Variants in RNF220 observed in about 807,000 individuals in gnomAD.
The protein encoded by RNF220 is E3 ubiquitin-protein ligase RNF220.
RNF220 carries 7 observed loss-of-function variants against 67.1 expected under a neutral mutation model. The observed-to-expected ratio is 0.10, with a 90% CI of 0.06 to 0.20. RNF220 has a LOEUF of 0.20. Among genes scored for constraint, RNF220 ranks in the 10% least tolerant of loss-of-function variants. The probability of loss-of-function intolerance (pLI) is 1.00; values close to 1 mark genes in which losing one functional copy is unlikely to be tolerated. For missense variants in RNF220, 565 were observed against 740.3 expected (o/e 0.76, Z 2.75); for synonymous variants, 270 against 283.2 (o/e 0.95, Z 0.47).
intron 2 of RNF220, among the ~76,000 whole-genome samples, chr1:44,418,271 T>G (rs1267204348): frequency 6.6e-6 from 1 of 151,632 alleles, no homozygotes; most frequent in Admixed American, 6.6e-5. Flanking sequence ...TGGGAGGAGG[T>G]TGGGGGAGCA....
chr1:44,525,036 T>C (rs1660255642), intron 2 of RNF220, among the ~76,000 whole-genome samples: 1 of 152,162 alleles, frequency 6.6e-6, no homozygotes, highest in Non-Finnish European at 1.5e-5. Flanking sequence ...CTTCCAGGGC[T>C]GATAACAAGC....
intron 2 of RNF220, among the ~76,000 whole-genome samples, chr1:44,605,645 T>C (rs1321968549): frequency 6.6e-6 from 1 of 152,052 alleles, no homozygotes; most frequent in African/African-American, 2.4e-5. Context: ...AGGGCTGTGA[T>C]AGAAGTAGCA....
chr1:44,614,516 C>T (rs1457224324), intron 3 of RNF220, among the ~76,000 whole-genome samples: 2 of 152,192 alleles, frequency 1.3e-5, no homozygotes, highest in East Asian at 3.9e-4. Flanking sequence ...AGGAGAGTGA[C>T]CCCGCAGGCC....
intron 8 of RNF220, 54 bp from the exon 9 acceptor site, chr1:44,644,644 G>T: frequency 2.8e-6 from 4 of 1,435,452 alleles, no homozygotes; most frequent in Non-Finnish European, 3.9e-6. Flanking sequence ...AACAGGAGGG[G>T]CACCCTTGGC....
At chr1:44,508,609 A>G (rs1051278004) in intron 2 of RNF220, among the ~76,000 whole-genome samples, 3 of 152,184 alleles carry the variant, frequency 2.0e-5, no homozygotes, top group Admixed American at 6.5e-5. Flanking sequence ...TAACACAACC[A>G]GAAGTCAGAG....
chr1:44,487,703 A>G (rs111498226), intron 2 of RNF220, among the ~76,000 whole-genome samples: 1 of 148,284 alleles, frequency 6.7e-6, no homozygotes, highest in African/African-American at 2.5e-5. Flanking sequence ...TAATAATAAT[A>G]ATAATAACAA....
chr1:44,447,375 G>A (rs902499677), intron 2 of RNF220, among the ~76,000 whole-genome samples: 1 of 152,210 alleles, frequency 6.6e-6, no homozygotes, highest in Non-Finnish European at 1.5e-5. Context: ...AGCCAAGATA[G>A]TACCTACCCC....
In RNF220 at chr1:44,602,965, G is replaced by A. The variant is rs1383513779; in HGVS notation, c.626-11200G>A. Among the ~76,000 whole-genome samples, 5 of 151,870 alleles carry A rather than the reference G, an allele frequency of 3.3e-5. No individual in the cohort carries two copies. The South Asian group carries it at 6.2e-4, about 19-fold the overall frequency. On this transcript the variant is annotated intron_variant, in intron 2 of 14. Coordinates refer to ENST00000361799, the MANE Select transcript of RNF220 (RefSeq NM_018150.4). Reference sequence around the variant, plus strand: ...GCCTGCTCCCTGCCTCCTTCTCTCCGAGTCCACACCACCCCTCCTCCTCCT... The same window carrying A: ...GCCTGCTCCCTGCCTCCTTCTCTCCAAGTCCACACCACCCCTCCTCCTCCT...
chr1:44,571,084 A>G (rs978913323), intron 2 of RNF220, among the ~76,000 whole-genome samples: 2 of 151,754 alleles, frequency 1.3e-5, no homozygotes, highest in African/African-American at 2.4e-5. Context: ...AAGAAAAAAA[A>G]AAAAGATAAA....
intron 2 of RNF220, among the ~76,000 whole-genome samples, chr1:44,425,423 T>C (rs1307308470): frequency 6.6e-6 from 1 of 152,182 alleles, no homozygotes; most frequent in Non-Finnish European, 1.5e-5. Flanking sequence ...GAACCCAGGA[T>C]CACTGTTTCT....
intron 1 of RNF220, among the ~76,000 whole-genome samples, chr1:44,406,052 G>A (rs1440583251): frequency 6.6e-6 from 1 of 152,226 alleles, no homozygotes. Context: ...GTGGTACTCA[G>A]TGGGGAGCCC....
intron 2 of RNF220, among the ~76,000 whole-genome samples, chr1:44,453,162 C>G (rs896942826): frequency 6.6e-6 from 1 of 152,060 alleles, no homozygotes; most frequent in African/African-American, 2.4e-5. Context: ...TGTGGCTGAT[C>G]TTTTATTAAG....
intron 2 of RNF220, among the ~76,000 whole-genome samples, chr1:44,440,366 G>A (rs986235279): frequency 6.6e-5 from 10 of 152,202 alleles, no homozygotes; most frequent in South Asian, 6.2e-4. Flanking sequence ...TATGCAGTGT[G>A]CAAGGGTGGA....
At chr1:44,589,426 A>G (rs1665948086) in intron 2 of RNF220, among the ~76,000 whole-genome samples, 4 of 152,130 alleles carry the variant, frequency 2.6e-5, no homozygotes, top group Admixed American at 2.6e-4. Flanking sequence ...CATCCTGGCT[A>G]ACATGGTGAA....
intron 2 of RNF220, among the ~76,000 whole-genome samples, chr1:44,503,333 CAAAAAA>C (rs34103792): frequency 5.9e-5 from 5 of 84,496 alleles, no homozygotes; most frequent in African/African-American, 2.4e-4. Flanking sequence ...GATGCTGTCT[CAAAAAA>C]AAAAAAAAAA....
intron 2 of RNF220, among the ~76,000 whole-genome samples, chr1:44,468,074 GTA>G (rs1479656296): frequency 1.3e-5 from 2 of 151,486 alleles, no homozygotes; most frequent in Admixed American, 1.3e-4. Context: ...AATTACAATG[GTA>G]ACATCAAAGA....
chr1:44,632,035 T>TCCGCCCGCATCG, intron 5 of RNF220: 1 of 1,069,494 alleles, frequency 9.4e-7, no homozygotes, highest in Non-Finnish European at 1.1e-6. Context: ...CCACGGGGAA[T>TCCGCCCGCATCG]CCGCCCGCAT....
chr1:44,434,217 G>A (rs914112544), intron 2 of RNF220, among the ~76,000 whole-genome samples: 1 of 152,062 alleles, frequency 6.6e-6, no homozygotes, highest in Non-Finnish European at 1.5e-5. Flanking sequence ...GGGGGTCCTG[G>A]AATGTTTGAG....
rs556860092 is a variant in RNF220, at chr1:44,650,295, C to G, written c.1629+338C>G. Reference sequence around the variant, plus strand: ...CAGGACCAGGGCCTTGGCCCCTCCCCCTCCCATTACTAAGCTCCTTCTGCT... The same window carrying G: ...CAGGACCAGGGCCTTGGCCCCTCCCGCTCCCATTACTAAGCTCCTTCTGCT... On this transcript the variant is annotated intron_variant, in intron 14 of 14. Coordinates refer to ENST00000361799, the MANE Select transcript of RNF220 (RefSeq NM_018150.4). This position sits in a 1 kb window ranked among gnomAD's most constrained non-coding sequence, Gnocchi z 4.3. The G allele has an allele frequency of 1.8e-5, 9 of 499,776 alleles. No individual in the cohort carries two copies. The highest frequency in any genetic ancestry group is 7.1e-5 in the East Asian group (2 of 28,362). The allele number at this position is 499,776 out of a possible 1,614,324, so 31.0% of individuals were successfully genotyped here. A position where few individuals can be genotyped will look rare whatever the true frequency, so the allele number is the denominator to read the frequency against.
Sources: gnomAD v4.1 joint callset for allele counts (sites outside exome capture counted in the v4.1 genomes callset) on GRCh38, gnomAD v4.1.1 for gene constraint, Gnocchi (gnomAD v3.1) non-coding constraint, MANE v1.5 for transcripts, NCBI Gene and HGNC (gene_info 2026-07-23, HGNC 2026-07-21) for gene names.